The following MNAT1 variants were observed in gnomAD, a reference collection of about 807,000 sequenced individuals.
MNAT1 encodes CDK-activating kinase assembly factor MAT1.
Under a neutral mutation model 42.0 loss-of-function variants are expected in MNAT1, and 43 were observed. That is an observed-to-expected ratio of 1.02 (90% CI 0.80 to 1.32). The LOEUF (loss-of-function observed/expected upper bound fraction) is 1.32. Among genes scored for constraint, MNAT1 ranks in the 40% most tolerant of loss-of-function variants. MNAT1 has a pLI of 0.00. For missense variants in MNAT1, 306 were observed against 350.4 expected (o/e 0.87, Z 1.01); for synonymous variants, 118 against 120.0 (o/e 0.98, Z 0.11).
chr14:60,799,450 A>G (rs1472379491), intron 3 of MNAT1: 4 of 960,060 alleles, frequency 4.2e-6, no homozygotes, highest in African/African-American at 1.8e-5. Flanking sequence ...TTGGATAGCA[A>G]TTGGGAAGAA....
intron 7 of MNAT1, among the ~76,000 whole-genome samples, chr14:60,931,898 T>C (rs1323956541): frequency 1.3e-5 from 2 of 151,962 alleles, no homozygotes; most frequent in African/African-American, 4.8e-5. Flanking sequence ...CTCCCTTAGA[T>C]ACTGAGCCTA....
At position 60,740,338 on chromosome 14, in the gene MNAT1, C is replaced by CT. The variant is rs988459432; in HGVS notation, c.89+5394dup. Among the ~76,000 whole-genome samples the CT allele has an allele frequency of 2.0e-5, 3 of 152,024 alleles. No homozygotes were observed. The highest frequency in any genetic ancestry group is 4.4e-5 in the Non-Finnish European group (3 of 67,966). ...ATAGTTACTTAACATCTTTCTCTTT[C>CT]TTTTTTTCCCTTTTTTTTCTGTTCT... On this transcript the variant is annotated intron_variant, in intron 1 of 7. Coordinates refer to ENST00000261245, the MANE Select transcript of MNAT1 (RefSeq NM_002431.4). The surrounding 1 kb of genome is among the most constrained non-coding windows in gnomAD (Gnocchi z 4.1).
intron 7 of MNAT1, among the ~76,000 whole-genome samples, chr14:60,932,592 C>A (rs2035913391): frequency 1.3e-5 from 2 of 151,710 alleles, no homozygotes; most frequent in South Asian, 4.1e-4. Context: ...TTTTAGTTTA[C>A]CACTTTAGAA....
Position 60,738,547 on chromosome 14 carries a change from G to A in MNAT1, c.89+3596G>A, listed in dbSNP as rs138866498. ...TGGGATTACAGGTGTGAGCCACTGC[G>A]CCCGGCCTGAGATGGAGTTTTGCTC... On this transcript the variant is annotated intron_variant, in intron 1 of 7. Transcript: ENST00000261245. Among the ~76,000 whole-genome samples the A allele has an allele frequency of 5.1e-3, 769 of 152,006 alleles. 13 individuals are homozygous for A. The highest frequency in any genetic ancestry group is 0.017 in the African/African-American group (719 of 41,486).
At chr14:60,869,040 A>ATATATATATT (rs1465360826) in intron 6 of MNAT1, among the ~76,000 whole-genome samples, 53 of 113,024 alleles carry the variant, frequency 4.7e-4, no homozygotes, top group African/African-American at 1.4e-3. Context: ...ATATATATAT[A>ATATATATATT]TTTTTTTTTT....
intron 7 of MNAT1, among the ~76,000 whole-genome samples, chr14:60,911,017 A>G (rs984764233): frequency 2.0e-5 from 3 of 152,184 alleles, no homozygotes; most frequent in Non-Finnish European, 4.4e-5. Context: ...TTATTGGTCT[A>G]TTCAGAGATT....
intron 7 of MNAT1, among the ~76,000 whole-genome samples, chr14:60,952,982 G>A (rs375503405): frequency 5.4e-4 from 82 of 152,162 alleles, no homozygotes; most frequent in South Asian, 5.0e-3. Context: ...GAAACTGGAA[G>A]CATTTCACGG....
intron 1 of MNAT1, among the ~76,000 whole-genome samples, chr14:60,762,542 C>T (rs769671926): frequency 2.6e-5 from 4 of 151,796 alleles, no homozygotes; most frequent in Non-Finnish European, 5.9e-5. Context: ...GTCATCTCTA[C>T]TAAAAATACA....
At chr14:60,840,406 G>A (rs186195998) in intron 6 of MNAT1, among the ~76,000 whole-genome samples, 2 of 152,308 alleles carry the variant, frequency 1.3e-5, no homozygotes, top group East Asian at 3.9e-4. Flanking sequence ...GTTGACTGGG[G>A]AGTTCTTGTG....
At chr14:60,837,939 A>G (rs1196702157) in intron 6 of MNAT1, among the ~76,000 whole-genome samples, 2 of 152,214 alleles carry the variant, frequency 1.3e-5, no homozygotes, top group Non-Finnish European at 2.9e-5. Flanking sequence ...TAGGCTTCTA[A>G]TGAACACATG....
intron 1 of MNAT1, among the ~76,000 whole-genome samples, chr14:60,737,777 T>A (rs1896345810): frequency 6.6e-6 from 1 of 152,086 alleles, no homozygotes; most frequent in Non-Finnish European, 1.5e-5. Context: ...TGTTCCTACC[T>A]GTAATCCTAG....
intron 6 of MNAT1, among the ~76,000 whole-genome samples, chr14:60,845,657 A>T (rs2033663350): frequency 6.6e-6 from 1 of 152,130 alleles, no homozygotes; most frequent in Non-Finnish European, 1.5e-5. Flanking sequence ...CCTGCAGAAG[A>T]TGCCTTGTGA....
intron 1 of MNAT1, among the ~76,000 whole-genome samples, chr14:60,762,493 C>T (rs1219730100): frequency 6.6e-6 from 1 of 151,830 alleles, no homozygotes; most frequent in Non-Finnish European, 1.5e-5. Context: ...CAGCCTGGCC[C>T]ACTAATGTCA....
At chr14:60,917,478 T>C (rs552714873) in intron 7 of MNAT1, among the ~76,000 whole-genome samples, 27 of 152,330 alleles carry the variant, frequency 1.8e-4, no homozygotes, top group African/African-American at 6.5e-4. Flanking sequence ...AGATGGTGTC[T>C]GTACTCAAAA....
At chr14:60,786,837 G>A (rs1251758860) in intron 1 of MNAT1, among the ~76,000 whole-genome samples, 1 of 152,152 alleles carries the variant, frequency 6.6e-6, no homozygotes, top group Non-Finnish European at 1.5e-5. Context: ...AAAGGGATAA[G>A]CATTTTAATA....
chr14:60,744,077 A>T (rs1896546898), intron 1 of MNAT1, among the ~76,000 whole-genome samples: 2 of 152,154 alleles, frequency 1.3e-5, no homozygotes, highest in African/African-American at 4.8e-5. Flanking sequence ...TATGATAGTC[A>T]ATCTTAAGGT....
intron 1 of MNAT1, among the ~76,000 whole-genome samples, chr14:60,742,576 T>C (rs554112648): frequency 1.4e-4 from 21 of 152,346 alleles, no homozygotes; most frequent in African/African-American, 5.1e-4. Context: ...TACGTTTCAA[T>C]GGCTTTTAGT....
At chr14:60,846,085 T>A (rs2033674511) in intron 6 of MNAT1, among the ~76,000 whole-genome samples, 1 of 152,066 alleles carries the variant, frequency 6.6e-6, no homozygotes, top group Non-Finnish European at 1.5e-5. Flanking sequence ...CCTTTTTCTA[T>A]CCCCGTTTCT....
chr14:60,784,171 C>A (rs1232055453), intron 1 of MNAT1, among the ~76,000 whole-genome samples: 1 of 108,836 alleles, frequency 9.2e-6, no homozygotes, highest in Non-Finnish European at 1.9e-5. Context: ...TGCCACCATG[C>A]CTGGCTAATT....
Sources: allele counts gnomAD v4.1 joint callset (sites outside exome capture counted in the v4.1 genomes callset), GRCh38; gene constraint gnomAD v4.1.1; non-coding constraint Gnocchi (gnomAD v3.1); transcripts MANE v1.5; gene names NCBI Gene and HGNC (gene_info 2026-07-23, HGNC 2026-07-21).